Variants in SHLD1 observed in about 807,000 individuals in gnomAD.
The protein encoded by SHLD1 is shieldin complex subunit 1, also known as RINN1-REV7-interacting novel NHEJ regulator 3.
SHLD1 carries 3 observed loss-of-function variants against 5.5 expected under a neutral mutation model. That is an observed-to-expected ratio of 0.54 (90% CI 0.25 to 1.40). SHLD1 has a LOEUF of 1.40. Ranked by LOEUF, SHLD1 falls within the 40% of genes most tolerant of loss-of-function variation. The pLI is 0.15. For synonymous variants in SHLD1, 92 were observed against 94.3 expected (o/e 0.98, Z 0.14); for missense variants, 210 against 244.4 (o/e 0.86, Z 0.94).
In SHLD1 at chr20:5,819,043, A is replaced by G. The variant is rs73596826; in HGVS notation, c.179-43981A>G. On this transcript the variant is annotated intron_variant, in intron 2 of 2. Transcript: ENST00000303142. ...ACACCCAGCTGATTTTTGTGTTTTT[A>G]GTAGAAACAGGTTTCTCCATGTTGG... Among the ~76,000 whole-genome samples the G allele has an allele frequency of 3.7e-3, 570 of 152,150 alleles. 3 individuals carry two copies. Among genetic ancestry groups the G allele is most frequent in the African/African-American group, 0.013 (548 of 41,520 alleles).
At chr20:5,839,885 T>C (rs1014663426) in intron 2 of SHLD1, among the ~76,000 whole-genome samples, 1 of 151,692 alleles carries the variant, frequency 6.6e-6, no homozygotes, top group Non-Finnish European at 1.5e-5. Context: ...AGTCACTGTT[T>C]GGTGGAAGAA....
intron 2 of SHLD1, among the ~76,000 whole-genome samples, chr20:5,825,326 T>C (rs369745038): frequency 6.6e-6 from 1 of 152,228 alleles, no homozygotes; most frequent in Non-Finnish European, 1.5e-5. Context: ...GAATGCCCAC[T>C]GGGTGGCTGC....
intron 1 of SHLD1, among the ~76,000 whole-genome samples, chr20:5,764,177 TTTATATATATATATTTTA>T (rs1984679571): frequency 1.3e-5 from 1 of 78,264 alleles, no homozygotes; most frequent in South Asian, 4.1e-4. Context: ...TATATATATT[TTTATATATATATATTTTA>T]TATATATATA....
intron 1 of SHLD1, among the ~76,000 whole-genome samples, chr20:5,763,026 G>T (rs186585300): frequency 6.6e-6 from 1 of 151,454 alleles, no homozygotes; most frequent in Non-Finnish European, 1.5e-5. Flanking sequence ...TGTGTCTGTG[G>T]CTGGGCACAG....
At chr20:5,843,849 A>G (rs942685829) in intron 2 of SHLD1, among the ~76,000 whole-genome samples, 1 of 152,214 alleles carries the variant, frequency 6.6e-6, no homozygotes, top group Non-Finnish European at 1.5e-5. Flanking sequence ...TGGAAATTCA[A>G]TTCCATGTAT....
chr20:5,836,599 C>T (rs933657200), intron 2 of SHLD1, among the ~76,000 whole-genome samples: 3 of 152,196 alleles, frequency 2.0e-5, no homozygotes, highest in Admixed American at 6.5e-5. Context: ...TCGCATTGCC[C>T]GCTCCCTCCT....
intron 2 of SHLD1, among the ~76,000 whole-genome samples, chr20:5,847,782 T>TG (rs1207758282): frequency 6.6e-6 from 1 of 152,120 alleles, no homozygotes; most frequent in African/African-American, 2.4e-5. Context: ...ACACTGCTGG[T>TG]GGGGGTGTGA....
chr20:5,789,219 T>G (rs2087104632), intron 2 of SHLD1, among the ~76,000 whole-genome samples: 1 of 152,024 alleles, frequency 6.6e-6, no homozygotes, highest in Non-Finnish European at 1.5e-5. Context: ...TTTTTTTTTT[T>G]TTTTTGGCAA....
intron 2 of SHLD1, among the ~76,000 whole-genome samples, chr20:5,782,531 G>T (rs1416189744): frequency 6.6e-6 from 1 of 152,228 alleles, no homozygotes; most frequent in African/African-American, 2.4e-5. Flanking sequence ...CCTAAGAGCA[G>T]TGTCGGGGAA....
At chr20:5,828,168 A>T (rs1294717) in intron 2 of SHLD1, among the ~76,000 whole-genome samples, 2 of 151,930 alleles carry the variant, frequency 1.3e-5, no homozygotes, top group Non-Finnish European at 2.9e-5. Flanking sequence ...AGTCACTGTC[A>T]TCTCCTCTGG....
chr20:5,812,071 T>G (rs1385019443), intron 2 of SHLD1, among the ~76,000 whole-genome samples: 1 of 147,840 alleles, frequency 6.8e-6, no homozygotes, highest in African/African-American at 2.5e-5. Context: ...TTCTTTTTCT[T>G]TTTTTTTTCT....
chr20:5,755,710 C>T (rs1017237946), intron 1 of SHLD1, among the ~76,000 whole-genome samples: 1 of 152,044 alleles, frequency 6.6e-6, no homozygotes, highest in African/African-American at 2.4e-5. Context: ...CAGGCACGCA[C>T]CACCGCGCCT....
At chr20:5,844,113 A>G (rs895564538) in intron 2 of SHLD1, among the ~76,000 whole-genome samples, 4 of 152,234 alleles carry the variant, frequency 2.6e-5, no homozygotes, top group Non-Finnish European at 5.9e-5. Context: ...ATTCAAGTGT[A>G]AATGGGAGGC....
At chr20:5,859,766 C>T (rs1390161701) in intron 2 of SHLD1, among the ~76,000 whole-genome samples, 2 of 152,270 alleles carry the variant, frequency 1.3e-5, no homozygotes, top group East Asian at 1.9e-4. Context: ...TGACTCAACC[C>T]GTATGTCATT....
intron 2 of SHLD1, among the ~76,000 whole-genome samples, chr20:5,849,244 T>C (rs2087969333): frequency 6.6e-6 from 1 of 152,168 alleles, no homozygotes; most frequent in African/African-American, 2.4e-5. Context: ...AAAGCCAGAC[T>C]AAACCAGAAA....
At position 5,805,398 on chromosome 20, in the gene SHLD1, C is replaced by G. The variant is rs189457412; in HGVS notation, c.178+32355C>G. Among the ~76,000 whole-genome samples the G allele has an allele frequency of 2.0e-3, 303 of 152,186 alleles. 2 individuals carry two copies. Among genetic ancestry groups the G allele is most frequent in the African/African-American group, 7.0e-3 (292 of 41,526 alleles). ...TCTTGAACTCCAGACCTCAGGTGAT[C>G]CGCCCACCTCAGCCTCCCGAAGTGC... On this transcript the variant is annotated intron_variant, in intron 2 of 2. Transcript: ENST00000303142.
intron 2 of SHLD1, among the ~76,000 whole-genome samples, chr20:5,801,555 G>A (rs997204432): frequency 2.0e-5 from 3 of 152,182 alleles, no homozygotes; most frequent in Non-Finnish European, 4.4e-5. Context: ...TCAGTGGCCT[G>A]GAGAGGGGAG....
chr20:5,763,352 A>G (rs2122206004), intron 1 of SHLD1, among the ~76,000 whole-genome samples: 1 of 151,992 alleles, frequency 6.6e-6, no homozygotes, highest in South Asian at 2.1e-4. Context: ...TTGTAAAAGG[A>G]AAATAAAAAG....
At position 5,773,035 on chromosome 20, in the gene SHLD1, T is replaced by C; in HGVS notation, c.170T>C (p.Val57Ala). 1 of 1,614,222 alleles carries C rather than the reference T, an allele frequency of 6.2e-7. No homozygotes were observed. The highest frequency in any genetic ancestry group is 8.5e-7 in the Non-Finnish European group (1 of 1,180,024). ...CATTCTTTTCCTTATTCTTCTGATG[T>C]GGATCCAGGTAATAAGCAGAGTTTA... ...EFHSFPYSSD[V>A]DPDTSNLNIE... Residue 57 changes from valine (V) to alanine (A), a missense_variant, in exon 2 of 3, where the codon GTG becomes GCG. Val to Ala is a moderately conservative substitution (Grantham distance 64, BLOSUM62 0). Coordinates refer to ENST00000303142, the MANE Select transcript of SHLD1 (RefSeq NM_152504.4).
Sources: allele counts gnomAD v4.1 joint callset (sites outside exome capture counted in the v4.1 genomes callset), GRCh38; gene constraint gnomAD v4.1.1; transcripts MANE v1.5; gene names NCBI Gene and HGNC (gene_info 2026-07-23, HGNC 2026-07-21).